Variants in CNTN5 observed in about 807,000 individuals in gnomAD.
The protein encoded by CNTN5 is contactin 5.
Under a neutral mutation model 129.1 loss-of-function variants are expected in CNTN5, and 77 were observed. The observed-to-expected ratio is 0.60, with a 90% CI of 0.50 to 0.72. The LOEUF is 0.72. Ranked by LOEUF, CNTN5 falls within the 30% of genes least tolerant of loss-of-function variation. CNTN5 has a pLI of 0.00. For missense variants in CNTN5, 1,478 were observed against 1,328.8 expected, an observed-to-expected ratio of 1.11 and a Z score of -1.75; for synonymous variants, 509 against 465.6, an observed-to-expected ratio of 1.09 and a Z score of -1.20.
intron 7 of CNTN5, among the ~76,000 whole-genome samples, chr11:99,916,691 G>C (rs1949798037): frequency 6.6e-6 from 1 of 152,114 alleles, no homozygotes; most frequent in African/African-American, 2.4e-5. Context: ...TATGTGGCTT[G>C]AGGAAGCAGA....
At chr11:100,141,974 G>C (rs1055954827) in intron 13 of CNTN5, among the ~76,000 whole-genome samples, 1 of 151,940 alleles carries the variant, frequency 6.6e-6, no homozygotes, top group African/African-American at 2.4e-5. Flanking sequence ...CAATTGGCTG[G>C]GGTCCTGGAT....
intron 6 of CNTN5, among the ~76,000 whole-genome samples, chr11:99,880,248 TG>T (rs2135853423): frequency 6.6e-6 from 1 of 152,348 alleles, no homozygotes; most frequent in South Asian, 2.1e-4. Flanking sequence ...GCCATTGCTC[TG>T]TGTCCCTCTT....
At chr11:100,063,380 G>GA (rs199747199) in intron 10 of CNTN5, among the ~76,000 whole-genome samples, 2,988 of 141,882 alleles carry the variant, frequency 0.021, 86 homozygotes, top group African/African-American at 0.068. Context: ...ACTTTGAATA[G>GA]AAAAAAAAAA....
intron 15 of CNTN5, among the ~76,000 whole-genome samples, chr11:100,195,370 C>T (rs531656432): frequency 1.3e-5 from 2 of 152,018 alleles, no homozygotes; most frequent in African/African-American, 4.8e-5. Flanking sequence ...TTGTTTTTGT[C>T]TCTTAGACAT....
At chr11:100,250,846 CAGAG>C (rs1565372115) in intron 16 of CNTN5, among the ~76,000 whole-genome samples, 2 of 152,092 alleles carry the variant, frequency 1.3e-5, no homozygotes, top group East Asian at 3.8e-4. Context: ...CTTTAATACT[CAGAG>C]AGGCAAATTA....
intron 8 of CNTN5, among the ~76,000 whole-genome samples, chr11:99,983,416 C>G (rs942286841): frequency 6.6e-6 from 1 of 152,146 alleles, no homozygotes; most frequent in African/African-American, 2.4e-5. Flanking sequence ...GAAGTAAAAT[C>G]CAAATTTGGA....
chr11:99,860,065 T>C (rs949150009), intron 6 of CNTN5, among the ~76,000 whole-genome samples: 1 of 152,174 alleles, frequency 6.6e-6, no homozygotes, highest in Non-Finnish European at 1.5e-5. Flanking sequence ...TATTTCATTG[T>C]GATTTTGATT....
intron 15 of CNTN5, among the ~76,000 whole-genome samples, chr11:100,205,265 G>T (rs1270405801): frequency 6.6e-6 from 1 of 151,900 alleles, no homozygotes; most frequent in African/African-American, 2.4e-5. Context: ...ATTCTAAAGG[G>T]TGACTAAGTG....
At chr11:99,648,304 A>C (rs951899778) in intron 3 of CNTN5, among the ~76,000 whole-genome samples, 2 of 151,924 alleles carry the variant, frequency 1.3e-5, no homozygotes, top group South Asian at 2.1e-4. Context: ...TTGGCCAATA[A>C]ATTTGTAAAA....
intron 13 of CNTN5, among the ~76,000 whole-genome samples, chr11:100,141,876 T>A (rs1946705865): frequency 6.6e-6 from 1 of 152,134 alleles, no homozygotes; most frequent in African/African-American, 2.4e-5. Context: ...TGTCTAGGTG[T>A]GTCTGTGAGG....
intron 6 of CNTN5, among the ~76,000 whole-genome samples, chr11:99,856,477 G>A (rs1323312209): frequency 1.3e-5 from 2 of 152,174 alleles, no homozygotes; most frequent in African/African-American, 4.8e-5. Context: ...AGTTATGTTT[G>A]TGGTGCCTAT....
At position 100,271,238 on chromosome 11, in the gene CNTN5, G is replaced by T. The variant is rs1479052645; in HGVS notation, c.2311G>T (p.Ala771Ser). Reference protein sequence around the residue: ...TPSRMIRTNEAVPKTAPTNVS... With the variant: ...TPSRMIRTNESVPKTAPTNVS... ...ATCTCGAATGATCCGCACAAATGAA[G>T]CAGGTAAAAATTTGGAAGAGTCAGA... The change falls in exon 18 of 25, where the codon GCA (alanine) becomes TCA (serine). Residue 771 changes from alanine to serine, a missense_variant. By Grantham distance (99) the Ala-to-Ser change is moderately conservative. Coordinates refer to ENST00000524871, the MANE Select transcript of CNTN5 (RefSeq NM_014361.4). 3 of 1,595,006 alleles carry T rather than the reference G, an allele frequency of 1.9e-6. No individual in the cohort carries two copies. In the African/African-American group the frequency reaches 4.0e-5, roughly 21 times the overall value.
chr11:99,437,986 A>G (rs1178466878), intron 2 of CNTN5, among the ~76,000 whole-genome samples: 1 of 138,560 alleles, frequency 7.2e-6, no homozygotes, highest in Non-Finnish European at 1.6e-5. Context: ...TGTTCCATGT[A>G]CAATATGGTA....
intron 3 of CNTN5, among the ~76,000 whole-genome samples, chr11:99,745,649 G>T (rs1944030853): frequency 6.6e-6 from 1 of 151,958 alleles, no homozygotes; most frequent in African/African-American, 2.4e-5. Context: ...ATCCCAAAGG[G>T]GCCAGCAACA....
chr11:100,300,008 C>A (rs12272329), intron 20 of CNTN5, among the ~76,000 whole-genome samples: 1 of 151,470 alleles, frequency 6.6e-6, no homozygotes, highest in Non-Finnish European at 1.5e-5. Flanking sequence ...AGAATTAAAT[C>A]CAGGTTTGTC....
chr11:100,068,303 A>G (rs1053751933), intron 10 of CNTN5, among the ~76,000 whole-genome samples: 6 of 152,166 alleles, frequency 3.9e-5, no homozygotes, highest in African/African-American at 1.4e-4. Flanking sequence ...TATTTTCCAA[A>G]CGAATAAGAA....
In CNTN5 at chr11:100,194,795, G is replaced by A. The variant is rs1041507383; in HGVS notation, c.1884+1132G>A. Among the ~76,000 whole-genome samples the A allele has an allele frequency of 2.7e-4, 41 of 152,024 alleles. 1 individual carries two copies. Among genetic ancestry groups the A allele is most frequent in the African/African-American group, 9.6e-4 (40 of 41,540 alleles). On this transcript the variant is annotated intron_variant, in intron 15 of 24. Coordinates refer to ENST00000524871, the MANE Select transcript of CNTN5 (RefSeq NM_014361.4). ...CTTCTCACCTTAGAATTTGGTAAAT[G>A]TATATTAGTGGAAGAGTAAAGATGA...
chr11:99,186,410 T>A (rs947284184), intron 1 of CNTN5, among the ~76,000 whole-genome samples: 1 of 151,966 alleles, frequency 6.6e-6, no homozygotes, highest in African/African-American at 2.4e-5. Context: ...TGTTTATTGG[T>A]AATTTGTGGT....
intron 4 of CNTN5, among the ~76,000 whole-genome samples, chr11:99,837,700 A>AAG (rs1428237993): frequency 6.6e-6 from 1 of 151,774 alleles, no homozygotes; most frequent in East Asian, 1.9e-4. Context: ...AAAAAAAAAA[A>AAG]AAAACCTATC....
Sources: allele counts gnomAD v4.1 joint callset (sites outside exome capture counted in the v4.1 genomes callset), GRCh38; gene constraint gnomAD v4.1.1; transcripts MANE v1.5; gene names NCBI Gene and HGNC (gene_info 2026-07-23, HGNC 2026-07-21).